Variants in MLLT10 observed in about 807,000 individuals in gnomAD.
The protein encoded by MLLT10 is protein AF-10.
A neutral mutation model predicts 129.1 loss-of-function variants in MLLT10; 30 were observed. That is an observed-to-expected ratio of 0.23 (90% CI 0.17 to 0.32). MLLT10 has a LOEUF of 0.32. Ranked by LOEUF, MLLT10 falls within the 10% of genes least tolerant of loss-of-function variation. The pLI, the probability that MLLT10 is intolerant of heterozygous loss-of-function variation, is 1.00. For synonymous variants in MLLT10, 490 were observed against 446.4 expected, an observed-to-expected ratio of 1.10 and a Z score of -1.23; for missense variants, 1,119 against 1,268.3, an observed-to-expected ratio of 0.88 and a Z score of 1.79.
At chr10:21,534,860 G>A (rs1403361029) in intron 2 of MLLT10, 56 bp downstream of exon 2, 38 of 1,302,388 alleles carry the variant, frequency 2.9e-5, no homozygotes, top group Non-Finnish European at 3.7e-5. Context: ...GGTCACCGCC[G>A]CCCCCACCTG....
At chr10:21,631,147 A>G (rs2046961660) in intron 8 of MLLT10, among the ~76,000 whole-genome samples, 1 of 151,464 alleles carries the variant, frequency 6.6e-6, no homozygotes, top group Non-Finnish European at 1.5e-5. Context: ...TGTCTCTACT[A>G]AAAAATACAA....
intron 3 of MLLT10, among the ~76,000 whole-genome samples, chr10:21,572,516 A>C (rs116336811): frequency 6.6e-6 from 1 of 152,156 alleles, no homozygotes; most frequent in Non-Finnish European, 1.5e-5. Flanking sequence ...AATCATTAGT[A>C]TAGTATATCT....
At chr10:21,572,583 C>G (rs115622552) in intron 3 of MLLT10, among the ~76,000 whole-genome samples, 1 of 151,492 alleles carries the variant, frequency 6.6e-6, no homozygotes, top group African/African-American at 2.4e-5. Flanking sequence ...TGCTTTTAGC[C>G]TTTGGTCTTG....
intron 8 of MLLT10, among the ~76,000 whole-genome samples, chr10:21,630,590 C>T: frequency 6.6e-6 from 1 of 152,226 alleles, no homozygotes; most frequent in East Asian, 1.9e-4. Context: ...TCCTGTAATT[C>T]AGTCCACTGT....
At chr10:21,695,544 T>A (rs1564663739) in intron 13 of MLLT10, among the ~76,000 whole-genome samples, 2 of 152,236 alleles carry the variant, frequency 1.3e-5, no homozygotes, top group Non-Finnish European at 1.5e-5. Flanking sequence ...AAAAAATGCA[T>A]CCTCTTAGGT....
At chr10:21,608,013 T>C (rs552169545) in intron 5 of MLLT10, among the ~76,000 whole-genome samples, 12 of 152,130 alleles carry the variant, frequency 7.9e-5, no homozygotes, top group African/African-American at 2.9e-4. Context: ...AGGTGTTTTT[T>C]TTTTTCTTCT....
intron 9 of MLLT10, among the ~76,000 whole-genome samples, chr10:21,668,441 A>G (rs926457461): frequency 2.0e-5 from 3 of 152,122 alleles, no homozygotes; most frequent in Non-Finnish European, 2.9e-5. Context: ...ATTAAAATAG[A>G]TGTTTCTCTT....
chr10:21,679,612 G>T (rs1353737370), intron 11 of MLLT10, among the ~76,000 whole-genome samples: 1 of 152,152 alleles, frequency 6.6e-6, no homozygotes, highest in Non-Finnish European at 1.5e-5. Flanking sequence ...GAGGCATAAA[G>T]AACTCAAATT....
At chr10:21,696,097 T>G (rs1051851301) in intron 13 of MLLT10, among the ~76,000 whole-genome samples, 3 of 152,124 alleles carry the variant, frequency 2.0e-5, no homozygotes, top group African/African-American at 4.8e-5. Context: ...TTTTGGGCAT[T>G]AAAACCAAAG....
At chr10:21,700,784 A>C (rs1051766857) in intron 13 of MLLT10, among the ~76,000 whole-genome samples, 1 of 151,866 alleles carries the variant, frequency 6.6e-6, no homozygotes, top group African/African-American at 2.4e-5. Flanking sequence ...TTTCTTGGGG[A>C]TATTGACCTG....
intron 9 of MLLT10, among the ~76,000 whole-genome samples, chr10:21,665,391 C>T (rs1158545480): frequency 1.3e-5 from 2 of 149,236 alleles, no homozygotes; most frequent in African/African-American, 2.5e-5. Context: ...TGGTTTTAAG[C>T]GATTCTCCTG....
At chr10:21,562,053 G>A (rs567951552) in intron 3 of MLLT10, among the ~76,000 whole-genome samples, 101 of 151,840 alleles carry the variant, frequency 6.7e-4, no homozygotes, top group African/African-American at 2.4e-3. Context: ...TGATCTGCCC[G>A]CCTCGGCCTT....
rs2058119889 is a variant in MLLT10, at chr10:21,733,565, T to C, written c.2469T>C (p.Pro823=). 1.3e-6 allele frequency: 2 copies of C among 1,575,244 alleles called. No homozygotes were observed. The highest frequency in any genetic ancestry group is 2.0e-5 in the Admixed American group (1 of 50,982). Residue 823 remains proline (P), a synonymous_variant, in exon 19 of 23, where the codon CCT becomes CCC. Transcript: ENST00000307729. ...CTCATATAGGAAACAGCTTTTTACC[T>C]GATAATTCTCTTCCTGTATTAAATC... ...KSPHIGNSFL[P]DNSLPVLNQD... is the part of the protein sequence containing the mutation.
Position 21,576,557 on chromosome 10 carries a change from C to T in MLLT10, c.241-9737C>T, listed in dbSNP as rs374946052. 1.1e-4 allele frequency among the ~76,000 whole-genome samples: 17 copies of T among 151,774 alleles called. No homozygotes were observed. In the East Asian group the frequency reaches 1.4e-3, roughly 12 times the overall value. ...CCCGGCCATTCCATTTACTTTTGACCTGTTTGTGTCTTCACTTAAAGTGTG... is the reference window on the plus strand; with the variant it reads ...CCCGGCCATTCCATTTACTTTTGACTTGTTTGTGTCTTCACTTAAAGTGTG... On this transcript the variant is annotated intron_variant, in intron 3 of 22. Transcript: ENST00000307729.
intron 5 of MLLT10, among the ~76,000 whole-genome samples, chr10:21,610,987 T>C (rs2044573641): frequency 7.3e-6 from 1 of 136,482 alleles, no homozygotes. Context: ...TTTTTCTCTT[T>C]TTTTTTTTTT....
At chr10:21,598,612 G>A (rs145914112) in intron 5 of MLLT10, among the ~76,000 whole-genome samples, 4 of 152,298 alleles carry the variant, frequency 2.6e-5, no homozygotes, top group Non-Finnish European at 4.4e-5. Context: ...GGCCAGGCGC[G>A]ATGGCTTATG....
At position 21,709,941 on chromosome 10, in the gene MLLT10, A is replaced by G. The variant is rs1167639276; in HGVS notation, c.1700-3831A>G. On this transcript the variant is annotated intron_variant, in intron 13 of 22. Transcript: ENST00000307729. ...ATTTTGCATTTTTGGTAGAGATAGGATTTCACCATGTTGCCCAGGCTGGTC... is the reference window on the plus strand; with the variant it reads ...ATTTTGCATTTTTGGTAGAGATAGGGTTTCACCATGTTGCCCAGGCTGGTC... 2.0e-5 allele frequency among the ~76,000 whole-genome samples: 3 copies of G among 151,680 alleles called. No homozygotes were observed. The East Asian group carries it at 5.9e-4, about 30-fold the overall frequency.
In MLLT10 at chr10:21,725,718, CAA is replaced by C. The variant is rs369977561; in HGVS notation, c.1879-508_1879-507del. ...CCTGGGTAAGAGTGAAACTCTTTCTCAAAAAAAAAAAAAAAAAAATTGTAGTT... is the reference window on the plus strand; with the variant it reads ...CCTGGGTAAGAGTGAAACTCTTTCTCAAAAAAAAAAAAAAAAATTGTAGTT... On this transcript the variant is annotated intron_variant, in intron 14 of 22. Transcript: ENST00000307729. 6.3e-5 allele frequency among the ~76,000 whole-genome samples: 6 copies of C among 95,678 alleles called. No individual in the cohort carries two copies. The East Asian group carries it at 9.9e-4, about 16-fold the overall frequency. 62.8% of individuals were successfully genotyped at this position (95,678 alleles called of 152,430 possible). A position where few individuals can be genotyped will look rare whatever the true frequency, so the allele number is the denominator to read the frequency against.
chr10:21,653,444 A>G (rs1589445535), intron 9 of MLLT10, among the ~76,000 whole-genome samples: 1 of 152,136 alleles, frequency 6.6e-6, no homozygotes, highest in East Asian at 1.9e-4. Flanking sequence ...GATCCCCTCC[A>G]TCTCATAGGT....
Sources: gnomAD v4.1 joint callset for allele counts (sites outside exome capture counted in the v4.1 genomes callset) on GRCh38, gnomAD v4.1.1 for gene constraint, MANE v1.5 for transcripts, NCBI Gene and HGNC (gene_info 2026-07-23, HGNC 2026-07-21) for gene names.